The following LDLRAD4 variants were observed in gnomAD, a reference collection of about 807,000 sequenced individuals.
The protein encoded by LDLRAD4 is low-density lipoprotein receptor class A domain-containing protein 4.
Under a neutral mutation model 17.0 loss-of-function variants are expected in LDLRAD4, and 5 were observed. That is an observed-to-expected ratio of 0.29 (90% confidence interval 0.15 to 0.62). The LOEUF (loss-of-function observed/expected upper bound fraction) is 0.62, where lower values mean the gene tolerates loss of function less well. Ranked by LOEUF, LDLRAD4 falls within the 20% of genes least tolerant of loss-of-function variation. The pLI, the probability that LDLRAD4 is intolerant of heterozygous loss-of-function variation, is 0.84. For missense variants in LDLRAD4, 340 were observed against 424.7 expected (o/e 0.80, Z 1.75); for synonymous variants, 168 against 171.8 (o/e 0.98, Z 0.17).
intron 3 of LDLRAD4, among the ~76,000 whole-genome samples, chr18:13,469,984 T>A (rs1385004164): frequency 2.0e-5 from 3 of 152,250 alleles, no homozygotes; most frequent in Non-Finnish European, 4.4e-5. Flanking sequence ...ATATATATTT[T>A]ACTACAATAA....
intron 3 of LDLRAD4, among the ~76,000 whole-genome samples, chr18:13,475,064 C>A (rs1020258624): frequency 6.6e-6 from 1 of 152,158 alleles, no homozygotes; most frequent in Non-Finnish European, 1.5e-5. Flanking sequence ...CCCAAAGAAG[C>A]CTTAGTCACA....
chr18:13,597,227 A>G (rs1362844223), intron 3 of LDLRAD4, among the ~76,000 whole-genome samples: 1 of 152,188 alleles, frequency 6.6e-6, no homozygotes, highest in African/African-American at 2.4e-5. Flanking sequence ...ATTTCAGCAT[A>G]TCAAATATGT....
At chr18:13,341,419 T>G (rs770260153) in intron 1 of LDLRAD4, among the ~76,000 whole-genome samples, 18 of 152,118 alleles carry the variant, frequency 1.2e-4, no homozygotes, top group Non-Finnish European at 1.9e-4. Flanking sequence ...ACATTTATAG[T>G]TTTTAGTGCA....
intron 3 of LDLRAD4, among the ~76,000 whole-genome samples, chr18:13,441,183 C>T (rs117182537): frequency 2.6e-5 from 4 of 152,284 alleles, no homozygotes; most frequent in East Asian, 1.9e-4. Context: ...TTCTCTTCCC[C>T]GTATTCTGTT....
intron 3 of LDLRAD4, among the ~76,000 whole-genome samples, chr18:13,448,864 G>A (rs1436386911): frequency 1.3e-5 from 2 of 152,218 alleles, no homozygotes; most frequent in Non-Finnish European, 2.9e-5. Flanking sequence ...ATACGTCGTG[G>A]ACTGCAGAGG....
chr18:13,355,597 G>A (rs1243477512), intron 1 of LDLRAD4, among the ~76,000 whole-genome samples: 1 of 152,132 alleles, frequency 6.6e-6, no homozygotes, highest in Non-Finnish European at 1.5e-5. Flanking sequence ...TGCTGAAATC[G>A]CTTTGGTCAC....
chr18:13,233,032 ATGAGT>A (rs1272590419), intron 1 of LDLRAD4, among the ~76,000 whole-genome samples: 1 of 152,216 alleles, frequency 6.6e-6, no homozygotes, highest in African/African-American at 2.4e-5. Context: ...TCCCCTGGTC[ATGAGT>A]TGTGTGATCA....
intron 3 of LDLRAD4, chr18:13,612,845 G>A (rs1404380268): frequency 1.3e-6 from 2 of 1,587,296 alleles, no homozygotes; most frequent in Non-Finnish European, 8.6e-7. Context: ...CTTGGAGTTT[G>A]GTCTGAGGAC....
intron 1 of LDLRAD4, among the ~76,000 whole-genome samples, chr18:13,243,137 T>C (rs1346128668): frequency 6.6e-6 from 1 of 152,244 alleles, no homozygotes; most frequent in Non-Finnish European, 1.5e-5. Context: ...TCAGGCCATG[T>C]TTTCTTTGGG....
chr18:13,568,058 TGGGGGG>T (rs2094631111), intron 3 of LDLRAD4, among the ~76,000 whole-genome samples: 2 of 114,580 alleles, frequency 1.7e-5, no homozygotes, highest in Non-Finnish European at 3.6e-5. Flanking sequence ...GCCGAGGAGG[TGGGGGG>T]TGGGGGGATC....
chr18:13,252,398 G>C (rs2043268817), intron 1 of LDLRAD4, among the ~76,000 whole-genome samples: 1 of 152,172 alleles, frequency 6.6e-6, no homozygotes, highest in South Asian at 2.1e-4. Context: ...CAAAGTGCTG[G>C]GATTACAGGC....
intron 1 of LDLRAD4, among the ~76,000 whole-genome samples, chr18:13,373,380 G>A (rs780743622): frequency 2.0e-5 from 3 of 152,156 alleles, no homozygotes; most frequent in Admixed American, 1.3e-4. Context: ...GAATGAAAAT[G>A]TGCGTCACAG....
exon 6 of LDLRAD4, chr18:13,649,710 A>AT (rs1340240388): frequency 9.0e-6 from 2 of 223,278 alleles, no homozygotes; most frequent in African/African-American, 2.3e-5. Flanking sequence ...TGTACCATTC[A>AT]TTTTTTAAAA....
chr18:13,631,665 C>T (rs1413781681), intron 4 of LDLRAD4, among the ~76,000 whole-genome samples: 1 of 152,218 alleles, frequency 6.6e-6, no homozygotes, highest in Admixed American at 6.5e-5. Context: ...CAGTGACTCA[C>T]ACCTGTAATC....
At chr18:13,541,426 A>T (rs1302746784) in intron 3 of LDLRAD4, among the ~76,000 whole-genome samples, 2 of 152,222 alleles carry the variant, frequency 1.3e-5, no homozygotes, top group African/African-American at 4.8e-5. Flanking sequence ...ATTTGCTCAT[A>T]TATGCAAAAG....
chr18:13,500,089 C>T (rs1027123445), intron 3 of LDLRAD4, among the ~76,000 whole-genome samples: 7 of 152,208 alleles, frequency 4.6e-5, no homozygotes, highest in African/African-American at 1.4e-4. Context: ...TGGGAATAAT[C>T]TGAAACTCCT....
intron 1 of LDLRAD4, among the ~76,000 whole-genome samples, chr18:13,287,508 T>C (rs1425038820): frequency 6.6e-6 from 1 of 152,196 alleles, no homozygotes; most frequent in Non-Finnish European, 1.5e-5. Flanking sequence ...TGCTTCCCTC[T>C]GGAGAGTGGG....
intron 4 of LDLRAD4, among the ~76,000 whole-genome samples, chr18:13,633,331 A>T (rs376847471): frequency 8.5e-5 from 13 of 152,366 alleles, no homozygotes; most frequent in African/African-American, 3.1e-4. Flanking sequence ...CTCAGAACTG[A>T]CAGCTTGGCC....
chr18:13,328,948 C>T (rs1289279587), intron 1 of LDLRAD4, among the ~76,000 whole-genome samples: 1 of 152,028 alleles, frequency 6.6e-6, no homozygotes, highest in African/African-American at 2.4e-5. Flanking sequence ...TGTTTTACAC[C>T]TTGCTTTGTT....
Sources: allele counts gnomAD v4.1 joint callset (sites outside exome capture counted in the v4.1 genomes callset), GRCh38; gene constraint gnomAD v4.1.1; transcripts MANE v1.5; gene names NCBI Gene and HGNC (gene_info 2026-07-23, HGNC 2026-07-21).